Variants in SESTD1 observed in about 807,000 individuals in gnomAD.
SESTD1 encodes SEC14 domain and spectrin repeat-containing protein 1.
In SESTD1, 43 loss-of-function variants were observed where a neutral mutation model predicts 101.7. The ratio of observed to expected loss-of-function variants is 0.42; its 90% CI spans 0.33 to 0.55. The LOEUF is 0.55. SESTD1 is among the 20% of genes least tolerant of loss of function. SESTD1 has a pLI of 0.07. For synonymous variants in SESTD1, 283 were observed against 286.8 expected (o/e 0.99, Z 0.13); for missense variants, 647 against 815.1 (o/e 0.79, Z 2.51).
chr2:179,118,842 T>C (rs2044690841), intron 13 of SESTD1, among the ~76,000 whole-genome samples: 1 of 152,200 alleles, frequency 6.6e-6, no homozygotes, highest in South Asian at 2.1e-4. Context: ...TAAAATGTTT[T>C]ATGAGAGTAG....
At chr2:179,220,062 T>C (rs1241615328) in intron 1 of SESTD1, among the ~76,000 whole-genome samples, 1 of 151,792 alleles carries the variant, frequency 6.6e-6, no homozygotes, top group Non-Finnish European at 1.5e-5. Flanking sequence ...TTAAGAAGTC[T>C]AGTGGAACAT....
chr2:179,160,614 T>C (rs1365478038), intron 5 of SESTD1, among the ~76,000 whole-genome samples: 2 of 152,086 alleles, frequency 1.3e-5, no homozygotes, highest in Admixed American at 1.3e-4. Flanking sequence ...ATAAACCTTC[T>C]TTAAAAATCA....
chr2:179,123,571 G>A (rs2044799873), intron 12 of SESTD1, 144 bp downstream of exon 12: 3 of 614,012 alleles, frequency 4.9e-6, no homozygotes, highest in Non-Finnish European at 8.5e-6. Context: ...CCCCTCAAGG[G>A]AATAAAATCT....
chr2:179,228,999 A>G (rs533788529), intron 1 of SESTD1, among the ~76,000 whole-genome samples: 12 of 152,284 alleles, frequency 7.9e-5, no homozygotes, highest in African/African-American at 2.2e-4. Flanking sequence ...TACGTGAAAA[A>G]ATCCTCAAGA....
chr2:179,171,132 T>TA (rs2045923024), intron 5 of SESTD1, among the ~76,000 whole-genome samples: 1 of 152,156 alleles, frequency 6.6e-6, no homozygotes, highest in Non-Finnish European at 1.5e-5. Context: ...AGGAGACACT[T>TA]CCTGATTTCT....
intron 1 of SESTD1, among the ~76,000 whole-genome samples, chr2:179,198,317 G>A (rs1324619195): frequency 6.6e-6 from 1 of 152,130 alleles, no homozygotes; most frequent in Non-Finnish European, 1.5e-5. Flanking sequence ...AGTACTGAGT[G>A]ACCTACAAAG....
Position 179,115,112 on chromosome 2 carries a change from C to T in SESTD1, c.1792G>A (p.Val598Ile), listed in dbSNP as rs2044599196. The T allele has an allele frequency of 3.7e-6, 6 of 1,611,102 alleles. No individual in the cohort carries two copies. Among genetic ancestry groups the T allele is most frequent in the African/African-American group, 1.3e-5 (1 of 74,710 alleles). Residue 598 changes from valine to isoleucine, a missense_variant, in exon 16 of 18, where the codon GTA becomes ATA. Val to Ile is a conservative substitution (Grantham distance 29). Around this residue, in one of 3 missense-constraint regions of SESTD1, gnomAD observed 476 missense variants for 562.6 expected, o/e 0.85. Transcript: ENST00000428443. ...KQFTIASEER[V>I]HRLEMAIAFH... is the part of the protein sequence containing the mutation. Reference sequence around the variant, plus strand: ...GCAATAGCCATTTCCAATCTATGTACTCTCTCTTCAGATGCTATTGTAAAT... The same window carrying T: ...GCAATAGCCATTTCCAATCTATGTATTCTCTCTTCAGATGCTATTGTAAAT...
intron 10 of SESTD1, among the ~76,000 whole-genome samples, chr2:179,126,482 G>C (rs2044877399): frequency 6.6e-6 from 1 of 152,090 alleles, no homozygotes; most frequent in South Asian, 2.1e-4. Context: ...CCAAGGCTCA[G>C]TTTTCCAGAG....
At chr2:179,126,977 T>C (rs1182297281) in intron 10 of SESTD1, among the ~76,000 whole-genome samples, 1 of 152,220 alleles carries the variant, frequency 6.6e-6, no homozygotes, top group Middle Eastern at 3.2e-3. Flanking sequence ...CTGTTCCCTA[T>C]TTTCCACACA....
At position 179,202,816 on chromosome 2, in the gene SESTD1, C is replaced by T. The variant is rs1206822343; in HGVS notation, c.-25-10950G>A. Among the ~76,000 whole-genome samples, 2 of 135,406 alleles carry T rather than the reference C, an allele frequency of 1.5e-5. 1 individual carries two copies. Among genetic ancestry groups the T allele is most frequent in the Non-Finnish European group, 3.2e-5 (2 of 62,864 alleles). The allele number at this position is 135,406 out of a possible 152,430, so 88.8% of individuals were successfully genotyped here. On this transcript the variant is annotated intron_variant, in intron 1 of 17. Coordinates refer to ENST00000428443, the MANE Select transcript of SESTD1 (RefSeq NM_178123.5). ...GGATTCAGCTGGTCACCAGTTTCAT[C>T]TTGACATGCTTCCCCTCTCTGATGA...
chr2:179,255,232 T>C (rs1357018141), intron 1 of SESTD1, among the ~76,000 whole-genome samples: 1 of 152,184 alleles, frequency 6.6e-6, no homozygotes, highest in Admixed American at 6.5e-5. Flanking sequence ...CATTTCTCAC[T>C]TTAAATGAAA....
At chr2:179,225,038 T>C (rs1276002297) in intron 1 of SESTD1, among the ~76,000 whole-genome samples, 2 of 152,184 alleles carry the variant, frequency 1.3e-5, no homozygotes, top group African/African-American at 2.4e-5. Context: ...ACCTGGGGCT[T>C]GCAATCAGTA....
intron 9 of SESTD1, among the ~76,000 whole-genome samples, chr2:179,135,481 C>T (rs1252890631): frequency 5.9e-5 from 9 of 152,086 alleles, no homozygotes; most frequent in African/African-American, 2.2e-4. Context: ...AGGCTAGGCA[C>T]AGTGGCTCAT....
At chr2:179,252,446 C>T (rs1438547255) in intron 1 of SESTD1, among the ~76,000 whole-genome samples, 2 of 152,144 alleles carry the variant, frequency 1.3e-5, no homozygotes, top group Non-Finnish European at 2.9e-5. Flanking sequence ...ATAAAAATCG[C>T]TGTTTGTCTT....
intron 1 of SESTD1, among the ~76,000 whole-genome samples, chr2:179,231,050 G>A (rs2105538109): frequency 6.6e-6 from 1 of 152,226 alleles, no homozygotes; most frequent in South Asian, 2.1e-4. Flanking sequence ...GGGAAAGTGT[G>A]AACCAAGGAC....
At chr2:179,154,585 C>G (rs989429816) in intron 5 of SESTD1, among the ~76,000 whole-genome samples, 1 of 152,026 alleles carries the variant, frequency 6.6e-6, no homozygotes, top group African/African-American at 2.4e-5. Context: ...CTGTGAAGAG[C>G]CTTAGAAAAA....
At chr2:179,130,878 A>G (rs2044996924) in intron 10 of SESTD1, among the ~76,000 whole-genome samples, 1 of 152,068 alleles carries the variant, frequency 6.6e-6, no homozygotes, top group South Asian at 2.1e-4. Flanking sequence ...AAATCAAAAC[A>G]TTATTTTAAA....
chr2:179,220,075 A>G (rs977404406), intron 1 of SESTD1, among the ~76,000 whole-genome samples: 2 of 149,790 alleles, frequency 1.3e-5, no homozygotes, highest in Admixed American at 6.6e-5. Flanking sequence ...TGGAACATTA[A>G]AAGTCCTATA....
At chr2:179,124,260 G>T in intron 11 of SESTD1, 104 bp downstream of exon 11, 2 of 1,084,736 alleles carry the variant, frequency 1.8e-6, no homozygotes, top group Non-Finnish European at 1.3e-6. Flanking sequence ...CATTTTATTG[G>T]TTCAGAAAAA....
Sources: gnomAD v4.1 joint callset for allele counts (sites outside exome capture counted in the v4.1 genomes callset) on GRCh38, gnomAD v4.1.1 for gene constraint, gnomAD v4.1.1 regional missense constraint, MANE v1.5 for transcripts, NCBI Gene and HGNC (gene_info 2026-07-23, HGNC 2026-07-21) for gene names.